Variants in MLYCD observed in about 807,000 individuals in gnomAD.
The protein encoded by MLYCD is malonyl-CoA decarboxylase, mitochondrial.
In MLYCD, 27 loss-of-function variants were observed where a neutral mutation model predicts 35.8. That is an observed-to-expected ratio of 0.75 (90% CI 0.56 to 1.04). The LOEUF (loss-of-function observed/expected upper bound fraction) is 1.04, where lower values mean the gene tolerates loss of function less well. MLYCD is among the 50% of genes least tolerant of loss of function. The pLI is 0.00. For synonymous variants in MLYCD, 403 were observed against 302.4 expected (o/e 1.33, Z -3.45); for missense variants, 917 against 665.1 (o/e 1.38, Z -4.17).
Position 83,919,801 on chromosome 16 carries a change from A to G in MLYCD, c.*4312A>G, listed in dbSNP as rs1351597502. 6.6e-6 allele frequency: 1 copy of G among 152,060 alleles called. No homozygotes were observed. The highest frequency in any genetic ancestry group is 1.5e-5 in the Non-Finnish European group (1 of 68,272). The allele number at this position is 152,060 out of a possible 1,614,324, so 9.4% of individuals were successfully genotyped here. A position where few individuals can be genotyped will look rare whatever the true frequency, so the allele number is the denominator to read the frequency against. On this transcript the variant is annotated 3_prime_UTR_variant, in exon 5 of 5. Transcript: ENST00000262430. ...CACAGGAGAACACACGGTGTACAGA[A>G]CACACGGTGCACAGGAGAACACGCA...
chr16:83,915,192 G>T lies in MLYCD; in HGVS notation c.1185G>T (p.Gln395His). 6.2e-7 allele frequency: 1 copy of T among 1,614,110 alleles called. No homozygotes were observed. The highest frequency in any genetic ancestry group is 1.3e-5 in the African/African-American group (1 of 75,078). Residue 395 changes from glutamine (Q) to histidine (H), a missense_variant, in exon 5 of 5, where the codon CAG (glutamine) becomes CAT (histidine). By Grantham distance (24) the Gln-to-His change is conservative. Transcript: ENST00000262430. ...CGGAGAAGCTGGTGCGGGCGCTGCA[G>T]ACTCCGCTGATGAGGCTGTGCGCCT... The part of the protein sequence containing the change: ...VQSEKLVRAL[Q>H]TPLMRLCAWY...
chr16:83,899,741 C>T lies in MLYCD; in HGVS notation c.528+69C>T, dbSNP rs985261964. The stretch of plus-strand genomic sequence containing the variant: ...CCTCCTCGAGTAGTCCTCACTTGCC[C>T]CCTCCAAGTCCCACACACCCCGCCT... On this transcript the variant is annotated intron_variant, in intron 1 of 4. Transcript: ENST00000262430. 4.9e-6 allele frequency: 7 copies of T among 1,423,038 alleles called. No homozygotes were observed. In the African/African-American group the frequency reaches 8.9e-5, roughly 18 times the overall value. The allele number at this position is 1,423,038 out of a possible 1,614,324, so 88.2% of individuals were successfully genotyped here. A position where few individuals can be genotyped will look rare whatever the true frequency, so the allele number is the denominator to read the frequency against.
Position 83,917,491 on chromosome 16 carries a change from T to G in MLYCD, c.*2002T>G, listed in dbSNP as rs1907462588. The G allele has an allele frequency of 6.5e-6, 1 of 154,544 alleles. No individual in the cohort carries two copies. Among genetic ancestry groups the G allele is most frequent in the Non-Finnish European group, 1.5e-5 (1 of 68,226 alleles). 9.6% of individuals were successfully genotyped at this position (154,544 alleles called of 1,614,324 possible). A position where few individuals can be genotyped will look rare whatever the true frequency, so the allele number is the denominator to read the frequency against. On this transcript the variant is annotated 3_prime_UTR_variant, in exon 5 of 5. Coordinates refer to ENST00000262430, the MANE Select transcript of MLYCD (RefSeq NM_012213.3). ...GACAGGTCCCTCACCTTCCTTGCCTTTCATCTCCTGTGACCCTCGCCAGGC... is the reference window on the plus strand; with the variant it reads ...GACAGGTCCCTCACCTTCCTTGCCTGTCATCTCCTGTGACCCTCGCCAGGC...
chr16:83,914,601 G>T, intron 4 of MLYCD: 1 of 363,170 alleles, frequency 2.8e-6, no homozygotes, highest in East Asian at 7.1e-5. Context: ...TCCAGGGTCT[G>T]GCACACATCA....
Position 83,904,944 on chromosome 16 carries a change from T to C in MLYCD, c.529-2043T>C, listed in dbSNP as rs75424268. On this transcript the variant is annotated intron_variant, in intron 1 of 4. Transcript: ENST00000262430. ...CCCCATGGGGTCACACAGAACAAAT[T>C]TGTGGCCTCTTTCGTGCCCTAGTGC... is the stretch of plus-strand genomic sequence containing the variant. Among the ~76,000 whole-genome samples the C allele has an allele frequency of 6.1e-3, 934 of 152,286 alleles. 9 individuals carry two copies. Among genetic ancestry groups the C allele is most frequent in the African/African-American group, 0.022 (911 of 41,558 alleles).
At chr16:83,902,294 C>T (rs1373593770) in intron 1 of MLYCD, among the ~76,000 whole-genome samples, 2 of 150,060 alleles carry the variant, frequency 1.3e-5, no homozygotes, top group Non-Finnish European at 3.0e-5. Context: ...GAACTCCTGG[C>T]CTCAAGCAAG....
In MLYCD at chr16:83,908,192, G is replaced by A. The variant is rs753627455; in HGVS notation, c.708G>A (p.Arg236=). 1.9e-6 allele frequency: 3 copies of A among 1,614,200 alleles called. No homozygotes were observed. The highest frequency in any genetic ancestry group is 2.2e-5 in the East Asian group (1 of 44,880). The change falls in exon 3 of 5, where the codon AGG becomes AGA. Residue 236 remains arginine (R), a synonymous_variant. Coordinates refer to ENST00000262430, the MANE Select transcript of MLYCD (RefSeq NM_012213.3). The part of the protein sequence containing the change: ...DMKRRVGPYR[R]CYFFSHCSTP... ...AGCGCCGCGTTGGGCCCTACAGAAGGTGTTACTTCTTTTCTCACTGTTCGA... is the reference window on the plus strand; with the variant it reads ...AGCGCCGCGTTGGGCCCTACAGAAGATGTTACTTCTTTTCTCACTGTTCGA...
At chr16:83,908,766 G>A (rs28625030) in intron 3 of MLYCD, among the ~76,000 whole-genome samples, 9,414 of 152,254 alleles carry the variant, frequency 0.062, 706 homozygotes, top group African/African-American at 0.18. Context: ...TGATAGCCCC[G>A]TCTGTGGCAA....
intron 3 of MLYCD, among the ~76,000 whole-genome samples, chr16:83,909,236 G>A (rs890875945): frequency 6.6e-6 from 1 of 151,014 alleles, no homozygotes; most frequent in Admixed American, 6.6e-5. Flanking sequence ...CCACTCCTAG[G>A]AACTTCTCCT....
intron 1 of MLYCD, among the ~76,000 whole-genome samples, chr16:83,902,640 G>T (rs767393042): frequency 7.3e-5 from 11 of 151,588 alleles, no homozygotes; most frequent in Non-Finnish European, 1.5e-4. Flanking sequence ...TGAGTAGCTG[G>T]GAATACAGGT....
At chr16:83,902,826 G>A (rs543408114) in intron 1 of MLYCD, among the ~76,000 whole-genome samples, 11 of 152,230 alleles carry the variant, frequency 7.2e-5, no homozygotes, top group Non-Finnish European at 1.3e-4. Flanking sequence ...TTTTTAAAAT[G>A]TTCTTTTCCT....
At chr16:83,904,046 C>T (rs1038950456) in intron 1 of MLYCD, among the ~76,000 whole-genome samples, 10 of 152,132 alleles carry the variant, frequency 6.6e-5, no homozygotes, top group Non-Finnish European at 8.8e-5. Context: ...TCCCAGTTCT[C>T]GTGTACCAGT....
Position 83,915,402 on chromosome 16 carries a change from C to T in MLYCD, c.1395C>T (p.Ser465=). Residue 465 remains serine (S), a synonymous_variant, in exon 5 of 5, where the codon AGC becomes AGT. Transcript: ENST00000262430. Reference sequence around the variant, plus strand: ...TCCTGGAGGAGACGGGCCCCAACAGCACCTCCTACCTCGGCTCCAAGATCA... The same window carrying T: ...TCCTGGAGGAGACGGGCCCCAACAGTACCTCCTACCTCGGCTCCAAGATCA... ...RYFLEETGPN[S]TSYLGSKIIK... is the part of the protein sequence containing the mutation. 5 of 1,613,890 alleles carry T rather than the reference C, an allele frequency of 3.1e-6. No homozygotes were observed. The highest frequency in any genetic ancestry group is 3.4e-6 in the Non-Finnish European group (4 of 1,180,042).
At chr16:83,913,360 G>C (rs943658431) in intron 4 of MLYCD, 1 of 152,412 alleles carries the variant, frequency 6.6e-6, no homozygotes, top group African/African-American at 2.4e-5. Context: ...ATCAGGGTAA[G>C]GAAGGCAGGA....
chr16:83,911,265 A>C (rs1419106180), intron 3 of MLYCD, among the ~76,000 whole-genome samples: 1 of 152,228 alleles, frequency 6.6e-6, no homozygotes, highest in Non-Finnish European at 1.5e-5. Context: ...GGCGTGAGCC[A>C]CCGCGCCCGG....
In MLYCD at chr16:83,926,136, C is replaced by A. The variant is rs1907799343; in HGVS notation, c.*10647C>A. The A allele has an allele frequency of 6.6e-6, 1 of 152,362 alleles. No individual in the cohort carries two copies. Among genetic ancestry groups the A allele is most frequent in the Admixed American group, 6.5e-5 (1 of 15,288 alleles). 9.4% of individuals were successfully genotyped at this position (152,362 alleles called of 1,614,324 possible). A position where few individuals can be genotyped will look rare whatever the true frequency, so the allele number is the denominator to read the frequency against. On this transcript the variant is annotated 3_prime_UTR_variant, in exon 5 of 5. Transcript: ENST00000262430. ...ACAGCCCCTTAAAGGCAGGGTCTTTCTGGCCACGCCTGGCCCTGGTCTGGC... is the reference window on the plus strand; with the variant it reads ...ACAGCCCCTTAAAGGCAGGGTCTTTATGGCCACGCCTGGCCCTGGTCTGGC...
Position 83,915,116 on chromosome 16 carries a change from C to G in MLYCD, c.1109C>G (p.Pro370Arg). ...CKEISEITGGPINETLKLLLS... is the reference protein window; with the variant it reads ...CKEISEITGGRINETLKLLLS... The stretch of plus-strand genomic sequence containing the variant: ...GAAATCTCGGAGATCACAGGTGGCC[C>G]CATTAACGAGACCCTCAAGCTCCTC... The change falls in exon 5 of 5, where the codon CCC becomes CGC. Residue 370 changes from proline (P) to arginine (R), a missense_variant. By Grantham distance (103) the Pro-to-Arg change is moderately radical (BLOSUM62 -2). Coordinates refer to ENST00000262430, the MANE Select transcript of MLYCD (RefSeq NM_012213.3). The G allele has an allele frequency of 6.2e-7, 1 of 1,614,238 alleles. No homozygotes were observed. The highest frequency in any genetic ancestry group is 8.5e-7 in the Non-Finnish European group (1 of 1,180,048).
At chr16:83,906,836 G>C in intron 1 of MLYCD, 151 bp from the exon 2 acceptor site, 1 of 756,894 alleles carries the variant, frequency 1.3e-6, no homozygotes, top group Non-Finnish European at 2.4e-6. Context: ...TCTGACAGAG[G>C]AATCTTGGGA....
chr16:83,900,215 A>C (rs60100531), intron 1 of MLYCD, among the ~76,000 whole-genome samples: 76 of 152,114 alleles, frequency 5.0e-4, no homozygotes, highest in African/African-American at 1.7e-3. Context: ...TCTGTGCTCC[A>C]TGACTTTTGG....
Sources: allele counts gnomAD v4.1 joint callset (sites outside exome capture counted in the v4.1 genomes callset), GRCh38; gene constraint gnomAD v4.1.1; transcripts MANE v1.5; gene names NCBI Gene and HGNC (gene_info 2026-07-23, HGNC 2026-07-21).